The following RBBP6 variants were observed in gnomAD, a reference collection of about 807,000 sequenced individuals.
RBBP6 encodes the protein E3 ubiquitin-protein ligase RBBP6.
In RBBP6, 25 loss-of-function variants were observed where a neutral mutation model predicts 167.7. That is an observed-to-expected ratio of 0.15 (90% CI 0.11 to 0.21). The LOEUF is 0.21. Among genes scored for constraint, RBBP6 ranks in the 10% least tolerant of loss-of-function variants. The probability of loss-of-function intolerance (pLI) is 1.00; values close to 1 mark genes in which losing one functional copy is unlikely to be tolerated. For synonymous variants in RBBP6, 789 were observed against 735.8 expected (o/e 1.07, Z -1.17); for missense variants, 1,868 against 2,134.2 (o/e 0.88, Z 2.46).
In RBBP6 at chr16:24,570,030, T is replaced by G. The variant is rs1202398800; in HGVS notation, c.3340T>G (p.Tyr1114Asp). 1 of 1,605,416 alleles carries G rather than the reference T, an allele frequency of 6.2e-7. No homozygotes were observed. The highest frequency in any genetic ancestry group is 1.4e-5 in the African/African-American group (1 of 73,934). Residue 1114 changes from tyrosine to aspartate, a missense_variant, in exon 17 of 18, where the codon TAT becomes GAT. Transcript: ENST00000319715. ...CAAAGAGGAAAAAGTGAAGAAGGACTATTCCAAAGATGTCAAATCAGAAAA... is the reference window on the plus strand; with the variant it reads ...CAAAGAGGAAAAAGTGAAGAAGGACGATTCCAAAGATGTCAAATCAGAAAA... ...PVKEEKVKKD[Y>D]SKDVKSEKLT...
At chr16:24,555,972 TC>T in intron 6 of RBBP6, 55 bp downstream of exon 6, 6 of 1,422,518 alleles carry the variant, frequency 4.2e-6, no homozygotes, top group Non-Finnish European at 5.9e-6. Flanking sequence ...TTGGAATTGT[TC>T]CTTAGCTATC....
intron 7 of RBBP6, among the ~76,000 whole-genome samples, chr16:24,558,947 A>G (rs945286105): frequency 6.6e-6 from 1 of 152,214 alleles, no homozygotes; most frequent in Admixed American, 6.5e-5. Context: ...TGGTAATGAC[A>G]TAATATTTCC....
intron 7 of RBBP6, among the ~76,000 whole-genome samples, chr16:24,557,875 T>C (rs890544926): frequency 5.3e-5 from 8 of 152,242 alleles, no homozygotes; most frequent in African/African-American, 1.9e-4. Flanking sequence ...TTTTTGAATA[T>C]GTACTTCAGC....
intron 1 of RBBP6, 107 bp from the exon 2 acceptor site, chr16:24,546,056 T>C (rs1286300607): frequency 4.9e-6 from 7 of 1,423,114 alleles, no homozygotes; most frequent in South Asian, 4.3e-5. Flanking sequence ...CTTGTAGTTA[T>C]TATATTTAAA....
rs1293310783 is a variant in RBBP6 at position 24,540,796 on chromosome 16, A to G, written c.166+4A>G. 1 of 1,610,780 alleles carries G rather than the reference A, an allele frequency of 6.2e-7. No homozygotes were observed. ...ACCAATGCGCAGACGAAAGAAGGTAAGGGCCGCTTGGTCTTAAGATATTTG... is the reference window on the plus strand; with the variant it reads ...ACCAATGCGCAGACGAAAGAAGGTAGGGGCCGCTTGGTCTTAAGATATTTG... On this transcript the variant is annotated splice_donor_region_variant and intron_variant, in intron 1 of 17. Coordinates refer to ENST00000319715, the MANE Select transcript of RBBP6 (RefSeq NM_006910.5).
Position 24,540,560 on chromosome 16 carries a change from T to C in RBBP6, c.-67T>C. The C allele has an allele frequency of 6.8e-7, 1 of 1,472,382 alleles. No homozygotes were observed. Among genetic ancestry groups the C allele is most frequent in the Non-Finnish European group, 9.2e-7 (1 of 1,082,096 alleles). The allele number at this position is 1,472,382 out of a possible 1,614,324, so 91.2% of individuals were successfully genotyped here. A position where few individuals can be genotyped will look rare whatever the true frequency, so the allele number is the denominator to read the frequency against. On this transcript the variant is annotated 5_prime_UTR_variant, in exon 1 of 18. Transcript: ENST00000319715. ...GTGTGTACATATTTTGCTCTTAAAG[T>C]TTATAAATATACGTATATTGAGAGT... is the stretch of plus-strand genomic sequence containing the variant.
chr16:24,560,619 C>T lies in RBBP6; in HGVS notation c.847+942C>T, dbSNP rs575899449. Among the ~76,000 whole-genome samples, 3 of 152,284 alleles carry T rather than the reference C, an allele frequency of 2.0e-5. No homozygotes were observed. In the South Asian group the frequency reaches 6.2e-4, roughly 32 times the overall value. On this transcript the variant is annotated intron_variant, in intron 8 of 17. Coordinates refer to ENST00000319715, the MANE Select transcript of RBBP6 (RefSeq NM_006910.5). ...ATATACAGTCCTCATACACATGGTT[C>T]TGCATCTGCAGATTCAAAACCACAG...
Position 24,563,683 on chromosome 16 carries a change from T to C in RBBP6, c.1520+19T>C, listed in dbSNP as rs747780385. ...GGGAACAGTGAGTAGATGTTTACAA[T>C]AATCTTCAGATGATTGCCTGCAAAC... On this transcript the variant is annotated intron_variant, in intron 13 of 17. Transcript: ENST00000319715. 2.5e-6 allele frequency: 4 copies of C among 1,605,846 alleles called. No homozygotes were observed. Among genetic ancestry groups the C allele is most frequent in the Non-Finnish European group, 3.4e-6 (4 of 1,175,040 alleles).
chr16:24,558,221 G>A (rs1196394991), intron 7 of RBBP6, among the ~76,000 whole-genome samples: 1 of 152,106 alleles, frequency 6.6e-6, no homozygotes, highest in Non-Finnish European at 1.5e-5. Context: ...TTTGAATGCT[G>A]AAATACAAAT....
chr16:24,545,861 C>T (rs192792436), intron 1 of RBBP6, among the ~76,000 whole-genome samples: 178 of 152,290 alleles, frequency 1.2e-3, no homozygotes, highest in Non-Finnish European at 2.2e-3. Flanking sequence ...GCTTTTTCAC[C>T]ATTCACATGT....
At chr16:24,566,748 TAAA>T (rs546488546) in intron 14 of RBBP6, among the ~76,000 whole-genome samples, 101 of 152,056 alleles carry the variant, frequency 6.6e-4, no homozygotes, top group Admixed American at 1.3e-3. Flanking sequence ...TCTCAAAAAA[TAAA>T]AAATAAATGA....
rs1360832291 is a variant in RBBP6 at position 24,572,729 on chromosome 16, A to T, written c.*284A>T. 1 of 268,390 alleles carries T rather than the reference A, an allele frequency of 3.7e-6. No homozygotes were observed. The highest frequency in any genetic ancestry group is 6.9e-6 in the Non-Finnish European group (1 of 145,368). The allele number at this position is 268,390 out of a possible 1,614,324, so 16.6% of individuals were successfully genotyped here. ...GAGTTTACTGTAATGTGAAATTTTC[A>T]CATTTGAATTTTTTAATTGCCTGGC... On this transcript the variant is annotated 3_prime_UTR_variant, in exon 18 of 18. Coordinates refer to ENST00000319715, the MANE Select transcript of RBBP6 (RefSeq NM_006910.5).
intron 2 of RBBP6, among the ~76,000 whole-genome samples, chr16:24,546,800 G>T (rs75898940): frequency 0.018 from 2,716 of 152,268 alleles, 81 homozygotes; most frequent in African/African-American, 0.062. Context: ...TTTGGACCTT[G>T]GGTAAGTCTC....
rs3815906 is a variant in RBBP6, at chr16:24,559,436, T to G, written c.675-69T>G. The G allele has an allele frequency of 5.7e-5, 74 of 1,294,902 alleles. 1 individual carries two copies. Among genetic ancestry groups the G allele is most frequent in the Middle Eastern group, 1.9e-4 (1 of 5,232 alleles). The allele number at this position is 1,294,902 out of a possible 1,614,324, so 80.2% of individuals were successfully genotyped here. ...TGAATTATGTGTTCCCATTATGTTA[T>G]AGTAGAACATGTAGCATGAGTACTC... On this transcript the variant is annotated intron_variant, in intron 7 of 17. Transcript: ENST00000319715.
intron 4 of RBBP6, chr16:24,554,774 T>C (rs532683690): frequency 6.6e-6 from 1 of 151,442 alleles, no homozygotes; most frequent in Non-Finnish European, 1.5e-5. Flanking sequence ...GGTTTTTTTT[T>C]TTTGTTTTTT....
At chr16:24,541,209 A>AAAAAAC (rs1898487180) in intron 1 of RBBP6, among the ~76,000 whole-genome samples, 1 of 150,140 alleles carries the variant, frequency 6.7e-6, no homozygotes, top group Non-Finnish European at 1.5e-5. Flanking sequence ...AAAAACCAAA[A>AAAAAAC]AAACAATTTT....
Position 24,561,817 on chromosome 16 carries a change from T to C in RBBP6, c.952-7T>C, listed in dbSNP as rs761599982. ...TTTTTCTGCATTATTATGCTTGGTA[T>C]CTGTAGGCTGTAAATAACTTCAAAA... On this transcript the variant is annotated splice_polypyrimidine_tract_variant and splice_region_variant and intron_variant, in intron 9 of 17. Coordinates refer to ENST00000319715, the MANE Select transcript of RBBP6 (RefSeq NM_006910.5). 6.2e-7 allele frequency: 1 copy of C among 1,609,434 alleles called. No homozygotes were observed. Among genetic ancestry groups the C allele is most frequent in the Admixed American group, 1.7e-5 (1 of 59,672 alleles).
chr16:24,571,099 C>G lies in RBBP6; in HGVS notation c.4033C>G (p.Pro1345Ala). Residue 1345 changes from proline (P) to alanine (A), a missense_variant, in exon 18 of 18, where the codon CCT becomes GCT. This residue lies in a region of RBBP6 where 591 missense variants were observed against 540.5 expected (regional missense o/e 1.09). Coordinates refer to ENST00000319715, the MANE Select transcript of RBBP6 (RefSeq NM_006910.5). ...ACAGCCTATATCAAGTGTAGGAAAACCTGCTAGTGTTATAAAAAATGTTAG... is the reference window on the plus strand; with the variant it reads ...ACAGCCTATATCAAGTGTAGGAAAAGCTGCTAGTGTTATAAAAAATGTTAG... ...STQPISSVGK[P>A]ASVIKNVSTK... 1 of 1,612,072 alleles carries G rather than the reference C, an allele frequency of 6.2e-7. No individual in the cohort carries two copies. Among genetic ancestry groups the G allele is most frequent in the Non-Finnish European group, 8.5e-7 (1 of 1,178,772 alleles).
intron 3 of RBBP6, among the ~76,000 whole-genome samples, chr16:24,550,243 T>C (rs1160981558): frequency 6.6e-6 from 1 of 151,938 alleles, no homozygotes; most frequent in African/African-American, 2.4e-5. Flanking sequence ...AACATTGGAC[T>C]TGTTCTTTAG....
Sources: allele counts gnomAD v4.1 joint callset (sites outside exome capture counted in the v4.1 genomes callset), GRCh38; gene constraint gnomAD v4.1.1; regional missense constraint gnomAD v4.1.1; transcripts MANE v1.5; gene names NCBI Gene and HGNC (gene_info 2026-07-23, HGNC 2026-07-21).